RAB27B: variants seen among roughly 807,000 people sequenced by gnomAD.
RAB27B encodes RAB27B, member RAS oncogene family.
A neutral mutation model predicts 24.6 loss-of-function variants in RAB27B; 15 were observed. The observed-to-expected ratio is 0.61, with a 90% confidence interval of 0.41 to 0.94. The LOEUF (loss-of-function observed/expected upper bound fraction) is 0.94. Among genes scored for constraint, RAB27B ranks in the 40% least tolerant of loss-of-function variants. RAB27B has a pLI of 0.00. For missense variants in RAB27B, 261 were observed against 266.8 expected (o/e 0.98, Z 0.15); for synonymous variants, 105 against 92.5 (o/e 1.14, Z -0.78).
intron 1 of RAB27B, among the ~76,000 whole-genome samples, chr18:54,842,536 A>G (rs1911157579): frequency 6.6e-6 from 1 of 152,258 alleles, no homozygotes. Context: ...TTAGAAGATA[A>G]TATCAAGAAA....
chr18:54,795,359 C>G (rs1339282320), intron 2 of RAB27B, among the ~76,000 whole-genome samples: 1 of 152,200 alleles, frequency 6.6e-6, no homozygotes, highest in African/African-American at 2.4e-5. Flanking sequence ...AGGGTTTGAT[C>G]TAGGTCCTCG....
chr18:54,722,907 C>T (rs1364439966), intron 2 of RAB27B, among the ~76,000 whole-genome samples: 3 of 152,176 alleles, frequency 2.0e-5, no homozygotes, highest in African/African-American at 7.2e-5. Flanking sequence ...CTCCTGGAGT[C>T]TATCAGCTAG....
intron 3 of RAB27B, among the ~76,000 whole-genome samples, chr18:54,881,787 A>T (rs1912935754): frequency 6.6e-6 from 1 of 152,182 alleles, no homozygotes; most frequent in Non-Finnish European, 1.5e-5. Flanking sequence ...CTGCTCTGGA[A>T]CAAGCGTGTC....
intron 1 of RAB27B, among the ~76,000 whole-genome samples, chr18:54,869,544 T>C (rs1469312590): frequency 2.6e-5 from 4 of 152,000 alleles, no homozygotes; most frequent in Non-Finnish European, 5.9e-5. Context: ...GAAACTGGAG[T>C]AAAACTGGAG....
At chr18:54,814,015 C>G (rs1910046979) in intron 2 of RAB27B, among the ~76,000 whole-genome samples, 1 of 152,138 alleles carries the variant, frequency 6.6e-6, no homozygotes, top group South Asian at 2.1e-4. Context: ...TTGACTTTCC[C>G]TATGTATGCT....
chr18:54,738,268 T>C (rs1444899897), intron 2 of RAB27B, among the ~76,000 whole-genome samples: 1 of 152,156 alleles, frequency 6.6e-6, no homozygotes, highest in Non-Finnish European at 1.5e-5. Context: ...GAATATTTGT[T>C]GATCACCCAT....
intron 2 of RAB27B, among the ~76,000 whole-genome samples, chr18:54,781,028 G>T (rs75062755): frequency 0.031 from 4,704 of 152,180 alleles, 87 homozygotes; most frequent in Middle Eastern, 0.095. Context: ...TGCACAGTGT[G>T]GGTCTCTTCC....
At chr18:54,842,717 G>T (rs1911165400) in intron 1 of RAB27B, among the ~76,000 whole-genome samples, 1 of 152,196 alleles carries the variant, frequency 6.6e-6, no homozygotes. Flanking sequence ...TTCTTAGTCT[G>T]CAGGGCTGCT....
intron 1 of RAB27B, among the ~76,000 whole-genome samples, chr18:54,839,884 C>T (rs1208143759): frequency 4.6e-5 from 7 of 152,170 alleles, no homozygotes; most frequent in African/African-American, 1.7e-4. Flanking sequence ...TCCAGAAGTA[C>T]ATTTACACTA....
chr18:54,768,618 A>G (rs1754198565), intron 2 of RAB27B, among the ~76,000 whole-genome samples: 1 of 152,154 alleles, frequency 6.6e-6, no homozygotes, highest in African/African-American at 2.4e-5. Context: ...TCACACTGCC[A>G]TGAATAAATA....
intron 2 of RAB27B, among the ~76,000 whole-genome samples, chr18:54,809,336 G>T (rs1224103492): frequency 6.6e-6 from 1 of 152,178 alleles, no homozygotes; most frequent in African/African-American, 2.4e-5. Context: ...CACCAGTAGA[G>T]TATGCACTGA....
upstream of RAB27B, among the ~76,000 whole-genome samples, chr18:54,827,109 C>A (rs556731873): frequency 5.9e-5 from 9 of 152,182 alleles, no homozygotes; most frequent in Admixed American, 5.9e-4. Context: ...CTGTTAAATG[C>A]AAAGTAGATT....
chr18:54,721,684 A>C (rs917796106), intron 2 of RAB27B, among the ~76,000 whole-genome samples: 2 of 152,226 alleles, frequency 1.3e-5, no homozygotes, highest in East Asian at 3.8e-4. Flanking sequence ...AACCAAATGC[A>C]TTGTTACTAA....
Position 54,875,041 on chromosome 18 carries a change from G to C in RAB27B, c.-19-2526G>C, listed in dbSNP as rs568258753. ...ACAGTCCTGGTAAAATATTTTACCA[G>C]GCTGAGCGTGGTGGCTCATGTCTGT... is the stretch of plus-strand genomic sequence containing the variant. On this transcript the variant is annotated intron_variant, in intron 1 of 5. Transcript: ENST00000262094. Among the ~76,000 whole-genome samples, 7 of 152,292 alleles carry C rather than the reference G, an allele frequency of 4.6e-5. No homozygotes were observed. The South Asian group carries it at 1.2e-3, about 27-fold the overall frequency.
intron 1 of RAB27B, among the ~76,000 whole-genome samples, chr18:54,854,453 GT>G: frequency 6.6e-6 from 1 of 152,040 alleles, no homozygotes; most frequent in African/African-American, 2.4e-5. Flanking sequence ...CAAATATGTT[GT>G]GCCTCTTTTT....
chr18:54,827,395 T>A (rs201379518), upstream of RAB27B, among the ~76,000 whole-genome samples: 1 of 152,214 alleles, frequency 6.6e-6, no homozygotes, highest in Non-Finnish European at 1.5e-5. Flanking sequence ...TCAAGAACAT[T>A]GAAGGACATA....
chr18:54,757,931 G>A lies in RAB27B; in HGVS notation c.-20+39790G>A, dbSNP rs1908058344. Reference sequence around the variant, plus strand: ...AAATACAAAAAAATCACAAAATCTAGAAATATTTTTATTAGTAAATTATCT... The same window carrying A: ...AAATACAAAAAAATCACAAAATCTAAAAATATTTTTATTAGTAAATTATCT... On this transcript the variant is annotated intron_variant, in intron 2 of 4. Coordinates refer to the RAB27B transcript ENST00000586570. 3.3e-5 allele frequency among the ~76,000 whole-genome samples: 5 copies of A among 151,910 alleles called. No homozygotes were observed. In the South Asian group the frequency reaches 1.0e-3, roughly 32 times the overall value.
intron 1 of RAB27B, among the ~76,000 whole-genome samples, chr18:54,875,429 CAT>C (rs530207262): frequency 1.7e-4 from 26 of 152,286 alleles, no homozygotes; most frequent in East Asian, 1.2e-3. Context: ...ATAATTGAGA[CAT>C]GTGTATCCTT....
chr18:54,879,889 C>CA (rs1912854348), intron 3 of RAB27B: 1 of 156,208 alleles, frequency 6.4e-6, no homozygotes, highest in Non-Finnish European at 1.4e-5. Context: ...TTTGTCCTTT[C>CA]AGACTTTGAT....
Sources: gnomAD v4.1 joint callset for allele counts (sites outside exome capture counted in the v4.1 genomes callset) on GRCh38, gnomAD v4.1.1 for gene constraint, MANE v1.5 for transcripts, NCBI Gene and HGNC (gene_info 2026-07-23, HGNC 2026-07-21) for gene names.